Variants in PITRM1 observed in about 807,000 individuals in gnomAD.
PITRM1 encodes presequence protease, mitochondrial.
In PITRM1, 100 loss-of-function variants were observed where a neutral mutation model predicts 129.9. The observed-to-expected ratio is 0.77, with a 90% confidence interval of 0.65 to 0.91. The LOEUF (loss-of-function observed/expected upper bound fraction) is 0.91, where lower values mean the gene tolerates loss of function less well. Ranked by LOEUF, PITRM1 falls within the 40% of genes least tolerant of loss-of-function variation. The pLI is 0.00. For synonymous variants in PITRM1, 591 were observed against 508.8 expected (o/e 1.16, Z -2.17); for missense variants, 1,471 against 1,318.3 (o/e 1.12, Z -1.79).
At position 3,149,424 on chromosome 10, in the gene PITRM1, T is replaced by C. The variant is rs74459205; in HGVS notation, c.1871+197A>G. On this transcript the variant is annotated intron_variant, in intron 16 of 26. Coordinates refer to ENST00000224949, the MANE Select transcript of PITRM1 (RefSeq NM_014889.4). ...CTCCTTATATTATACCGTAGATTCA[T>C]AACTATTTCAATGTAATATAGTAAG... 2,688 of 478,738 alleles carry C rather than the reference T, an allele frequency of 5.6e-3. 71 individuals are homozygous for C. The highest frequency in any genetic ancestry group is 0.054 in the Admixed American group (1,459 of 27,230). The allele number at this position is 478,738 out of a possible 1,614,324, so 29.7% of individuals were successfully genotyped here. A position where few individuals can be genotyped will look rare whatever the true frequency, so the allele number is the denominator to read the frequency against.
At chr10:3,160,001 T>C (rs1464229432) in intron 8 of PITRM1, 65 bp from the exon 9 acceptor site, 3 of 1,288,978 alleles carry the variant, frequency 2.3e-6, no homozygotes, top group Non-Finnish European at 3.3e-6. Flanking sequence ...CTCTAGGTTA[T>C]CTGGATACAC....
Position 3,157,622 on chromosome 10 carries a change from G to A in PITRM1, c.1251-91C>T, listed in dbSNP as rs1842085398. On this transcript the variant is annotated intron_variant, in intron 11 of 26. Transcript: ENST00000224949. ...TTTGGGAGGCCAAGGCAGGAGGACT[G>A]CTTGAGGCCAGGCATTTAAGACCAG... is the stretch of plus-strand genomic sequence containing the variant. 9.2e-6 allele frequency: 7 copies of A among 760,974 alleles called. No individual in the cohort carries two copies. The East Asian group carries it at 1.1e-4, about 12-fold the overall frequency. 47.1% of individuals were successfully genotyped at this position (760,974 alleles called of 1,614,324 possible).
chr10:3,147,205 T>A lies in PITRM1; in HGVS notation c.2281A>T (p.Ile761Phe), dbSNP rs372074702. The stretch of plus-strand genomic sequence containing the variant: ...TTGATACGCGGGAGCTTCCTCAGGA[T>A]GGGTTTGATATCTGTCATTTCTGCA... ...RIAEMTDIKP[I>F]LRKLPRIKKH... The change falls in exon 20 of 27, where the codon ATC (isoleucine) becomes TTC (phenylalanine). Residue 761 changes from isoleucine to phenylalanine, a missense_variant. Transcript: ENST00000224949. 6.2e-7 allele frequency: 1 copy of A among 1,612,750 alleles called. No individual in the cohort carries two copies. Among genetic ancestry groups the A allele is most frequent in the African/African-American group, 1.3e-5 (1 of 74,920 alleles).
chr10:3,168,671 ATCC>A lies in PITRM1; in HGVS notation c.159+1430_159+1432del, dbSNP rs201552155. ...TATAAGGGGCTTCCCCCTTCACTTG[ATCC>A]TCATTCTCTCCCCTGCCGCCCTGTG... On this transcript the variant is annotated intron_variant, in intron 2 of 26. Transcript: ENST00000224949. 3.9e-3 allele frequency among the ~76,000 whole-genome samples: 594 copies of A among 152,132 alleles called. 8 individuals carry two copies. The highest frequency in any genetic ancestry group is 0.03 in the Admixed American group (452 of 15,282).
intron 16 of PITRM1, 198 bp downstream of exon 16, chr10:3,149,423 A>G (rs566160601): frequency 4.2e-6 from 2 of 475,448 alleles, no homozygotes; most frequent in African/African-American, 4.1e-5. Flanking sequence ...CCGTAGATTC[A>G]TAACTATTTC....
chr10:3,162,045 G>A (rs1252856585), intron 7 of PITRM1, among the ~76,000 whole-genome samples: 3 of 151,696 alleles, frequency 2.0e-5, no homozygotes, highest in East Asian at 1.9e-4. Flanking sequence ...GGTGGCGTGC[G>A]CCTGTAGTCC....
intron 15 of PITRM1, 163 bp downstream of exon 15, chr10:3,151,084 A>G: frequency 1.6e-6 from 1 of 611,804 alleles, no homozygotes; most frequent in South Asian, 1.9e-5. Flanking sequence ...GAGAGTTAAG[A>G]ACAAGGCAGA....
chr10:3,160,912 C>T (rs1842393764), intron 7 of PITRM1, among the ~76,000 whole-genome samples: 1 of 152,196 alleles, frequency 6.6e-6, no homozygotes, highest in South Asian at 2.1e-4. Context: ...AGGTGCCCAC[C>T]ACCATGCCCA....
In PITRM1 at chr10:3,139,053, G is replaced by C; in HGVS notation, c.2772-4C>G. 1 of 1,612,900 alleles carries C rather than the reference G, an allele frequency of 6.2e-7. No individual in the cohort carries two copies. The highest frequency in any genetic ancestry group is 8.5e-7 in the Non-Finnish European group (1 of 1,179,468). On this transcript the variant is annotated splice_polypyrimidine_tract_variant and splice_region_variant and intron_variant, in intron 24 of 26. Transcript: ENST00000224949. ...CGTCTCTATTGTATTTGGGTCCCTAGGAAACCCAGAGAAATAAACGGGCAA... is the reference window on the plus strand; with the variant it reads ...CGTCTCTATTGTATTTGGGTCCCTACGAAACCCAGAGAAATAAACGGGCAA...
intron 23 of PITRM1, chr10:3,141,746 G>A: frequency 2.2e-6 from 1 of 446,146 alleles, no homozygotes; most frequent in Non-Finnish European, 4.6e-6. Flanking sequence ...TCCTAAAGTG[G>A]ATGAAGGGAG....
chr10:3,138,567 G>A (rs9423495), intron 25 of PITRM1: 66,802 of 605,086 alleles, frequency 0.11, 4,081 homozygotes, highest in Middle Eastern at 0.18. Flanking sequence ...AGTCAGCGCC[G>A]CGTGAGGCTG....
intron 17 of PITRM1, 27 bp from the exon 18 acceptor site, chr10:3,148,090 G>C (rs766013202): frequency 6.2e-7 from 1 of 1,613,682 alleles, no homozygotes; most frequent in Non-Finnish European, 8.5e-7. Flanking sequence ...ACAGAAGAAA[G>C]GAATTAGGGC....
rs751203749 is a variant in PITRM1, at chr10:3,149,609, TG to T, written c.1871+11del. On this transcript the variant is annotated intron_variant, in intron 16 of 26. Coordinates refer to ENST00000224949, the MANE Select transcript of PITRM1 (RefSeq NM_014889.4). ...ATTAATAAGACACACAAGGGTATGTTGCGACTCGTACTTGGTGAGGACGCTG... is the reference window on the plus strand; with the variant it reads ...ATTAATAAGACACACAAGGGTATGTTCGACTCGTACTTGGTGAGGACGCTG... The T allele has an allele frequency of 5.8e-6, 9 of 1,542,554 alleles. No individual in the cohort carries two copies. Among genetic ancestry groups the T allele is most frequent in the Non-Finnish European group, 7.8e-6 (9 of 1,148,276 alleles).
intron 7 of PITRM1, among the ~76,000 whole-genome samples, chr10:3,161,852 A>G (rs79349570): frequency 1.4e-3 from 43 of 30,168 alleles, no homozygotes; most frequent in Non-Finnish European, 2.1e-3. Context: ...AAGACTGGGG[A>G]AAAAAAAAAA....
Position 3,140,772 on chromosome 10 carries a change from G to C in PITRM1, c.2686C>G (p.His896Asp), listed in dbSNP as rs1265855036. 6 of 1,591,650 alleles carry C rather than the reference G, an allele frequency of 3.8e-6. No homozygotes were observed. In the South Asian group the frequency reaches 4.6e-5, roughly 12 times the overall value. ...LARLMTAKFL[H>D]TEIREKGGAY... Reference sequence around the variant, plus strand: ...CCGCCTTTTTCTCGAATTTCTGTATGCAAGAATTTGGCAGTCATCAAACGT... The same window carrying C: ...CCGCCTTTTTCTCGAATTTCTGTATCCAAGAATTTGGCAGTCATCAAACGT... Residue 896 changes from histidine (H) to aspartate (D), a missense_variant, in exon 24 of 27, where the codon CAT (histidine) becomes GAT (aspartate). By Grantham distance (81) the His-to-Asp change is moderately conservative. Coordinates refer to ENST00000224949, the MANE Select transcript of PITRM1 (RefSeq NM_014889.4).
chr10:3,158,259 C>T (rs1035334074), intron 10 of PITRM1, 106 bp from the exon 11 acceptor site: 20 of 681,280 alleles, frequency 2.9e-5, no homozygotes, highest in South Asian at 2.0e-4. Flanking sequence ...AAACTCCAGC[C>T]CCTCCACTGA....
intron 21 of PITRM1, 148 bp from the exon 22 acceptor site, chr10:3,144,514 T>A (rs1336710009): frequency 3.4e-6 from 2 of 585,852 alleles, no homozygotes; most frequent in Non-Finnish European, 6.0e-6. Context: ...TTAAAAAAAA[T>A]AAAAATAGGC....
Position 3,157,042 on chromosome 10 carries a change from T to A in PITRM1, c.1370A>T (p.His457Leu). The change falls in exon 13 of 27, where the codon CAT becomes CTT. Residue 457 changes from histidine (H) to leucine (L), a missense_variant. By Grantham distance (99) the His-to-Leu change is moderately conservative. Transcript: ENST00000224949. ...CAAGAGCTCCACAGGGTCCCCATCA[T>A]GGTTCCAGCAAGAAGCTATGTACTG... ...LTSYIASCWNHDGDPVELLKL... is the reference protein window; with the variant it reads ...LTSYIASCWNLDGDPVELLKL... The A allele has an allele frequency of 1.9e-6, 3 of 1,610,486 alleles. No individual in the cohort carries two copies. The highest frequency in any genetic ancestry group is 2.5e-6 in the Non-Finnish European group (3 of 1,179,070).
intron 15 of PITRM1, among the ~76,000 whole-genome samples, chr10:3,150,168 A>G (rs1841365549): frequency 6.6e-6 from 1 of 152,132 alleles, no homozygotes; most frequent in African/African-American, 2.4e-5. Context: ...CAGGGCCCCA[A>G]ACAAGGCTCC....
Sources: gnomAD v4.1 joint callset for allele counts (sites outside exome capture counted in the v4.1 genomes callset) on GRCh38, gnomAD v4.1.1 for gene constraint, MANE v1.5 for transcripts, NCBI Gene and HGNC (gene_info 2026-07-23, HGNC 2026-07-21) for gene names.